Variants in GRM7 observed in about 807,000 individuals in gnomAD.
GRM7 encodes metabotropic glutamate receptor 7.
GRM7 carries 35 observed loss-of-function variants against 84.5 expected under a neutral mutation model. The observed-to-expected ratio is 0.41, with a 90% CI of 0.32 to 0.55. The LOEUF (loss-of-function observed/expected upper bound fraction) is 0.55, where lower values mean the gene tolerates loss of function less well. Among genes scored for constraint, GRM7 ranks in the 20% least tolerant of loss-of-function variants. The pLI, the probability that GRM7 is intolerant of heterozygous loss-of-function variation, is 0.19. For synonymous variants in GRM7, 487 were observed against 455.1 expected (o/e 1.07, Z -0.89); for missense variants, 1,003 against 1,194.6 (o/e 0.84, Z 2.36).
At chr3:7,328,610 A>G (rs968966886) in intron 4 of GRM7, among the ~76,000 whole-genome samples, 11 of 152,180 alleles carry the variant, frequency 7.2e-5, no homozygotes, top group African/African-American at 2.7e-4. Flanking sequence ...GCACCTGTGT[A>G]TCTGGTAACT....
intron 7 of GRM7, among the ~76,000 whole-genome samples, chr3:7,494,388 T>C (rs1169944224): frequency 6.6e-6 from 1 of 152,224 alleles, no homozygotes; most frequent in African/African-American, 2.4e-5. Context: ...GCTTTCAAGA[T>C]ACTTCCTTTA....
At chr3:7,339,038 A>G (rs1373218655) in intron 4 of GRM7, among the ~76,000 whole-genome samples, 3 of 152,138 alleles carry the variant, frequency 2.0e-5, no homozygotes, top group Non-Finnish European at 4.4e-5. Flanking sequence ...AAAACCAGAA[A>G]TCATCAAGCC....
At chr3:7,416,926 GTTCT>G (rs1227166394) in intron 5 of GRM7, among the ~76,000 whole-genome samples, 1 of 152,044 alleles carries the variant, frequency 6.6e-6, no homozygotes, top group Non-Finnish European at 1.5e-5. Flanking sequence ...GTTTTCCTGG[GTTCT>G]TTCTGACATT....
chr3:7,418,381 G>T (rs1051268935), intron 5 of GRM7, among the ~76,000 whole-genome samples: 2 of 152,166 alleles, frequency 1.3e-5, no homozygotes, highest in Non-Finnish European at 1.5e-5. Flanking sequence ...GGTTGTCCAA[G>T]CTATCACAGA....
intron 4 of GRM7, among the ~76,000 whole-genome samples, chr3:7,372,397 G>A (rs1694176657): frequency 6.6e-6 from 1 of 152,164 alleles, no homozygotes; most frequent in African/African-American, 2.4e-5. Context: ...AAACTCAGGT[G>A]TGAAGTCTTA....
In GRM7 at chr3:7,629,536, C is replaced by T. The variant is rs549502944; in HGVS notation, c.2451+50179C>T. Among the ~76,000 whole-genome samples, 39 of 152,244 alleles carry T rather than the reference C, an allele frequency of 2.6e-4. 1 individual carries two copies. The South Asian group carries it at 7.9e-3, about 31-fold the overall frequency. ...CCAGCCATATTGGATCAGGGCCCTA[C>T]CCTTTTGACCCCATTGATCCCCTTA... On this transcript the variant is annotated intron_variant, in intron 8 of 9. Coordinates refer to ENST00000357716, the MANE Select transcript of GRM7 (RefSeq NM_000844.4).
At chr3:7,293,767 G>A (rs1016883265) in intron 2 of GRM7, among the ~76,000 whole-genome samples, 1 of 152,130 alleles carries the variant, frequency 6.6e-6, no homozygotes, top group Non-Finnish European at 1.5e-5. Context: ...AGGTACATGG[G>A]ACCATCATTA....
chr3:7,208,036 T>A (rs1257532156), intron 2 of GRM7, among the ~76,000 whole-genome samples: 1 of 152,206 alleles, frequency 6.6e-6, no homozygotes, highest in African/African-American at 2.4e-5. Context: ...TAAGATTGAA[T>A]GTGGCAAGAT....
At chr3:7,561,675 TA>T in intron 7 of GRM7, 1 of 393,600 alleles carries the variant, frequency 2.5e-6, no homozygotes, top group South Asian at 1.8e-5. Context: ...TCTATTTGTC[TA>T]ATTCTCTGAA....
At chr3:6,930,492 C>G (rs529822059) in intron 1 of GRM7, among the ~76,000 whole-genome samples, 1 of 152,122 alleles carries the variant, frequency 6.6e-6, no homozygotes, top group South Asian at 2.1e-4. Context: ...AAGAACTAAG[C>G]CTTTATAATT....
At chr3:6,895,543 T>C (rs1424124178) in intron 1 of GRM7, among the ~76,000 whole-genome samples, 1 of 152,154 alleles carries the variant, frequency 6.6e-6, no homozygotes, top group Non-Finnish European at 1.5e-5. Context: ...AGCTCAGAGA[T>C]ACTGTCATTT....
chr3:7,346,565 G>A (rs1171575715), intron 4 of GRM7, among the ~76,000 whole-genome samples: 1 of 152,080 alleles, frequency 6.6e-6, no homozygotes, highest in South Asian at 2.1e-4. Flanking sequence ...GGGATGCCTA[G>A]CTATAACTGC....
chr3:7,489,387 A>C (rs1478673720), intron 7 of GRM7, among the ~76,000 whole-genome samples: 1 of 152,106 alleles, frequency 6.6e-6, no homozygotes, highest in Non-Finnish European at 1.5e-5. Context: ...ACACATTGTT[A>C]TTTCCATTTT....
At chr3:7,256,878 T>C (rs1303430979) in intron 2 of GRM7, among the ~76,000 whole-genome samples, 1 of 152,198 alleles carries the variant, frequency 6.6e-6, no homozygotes, top group Non-Finnish European at 1.5e-5. Context: ...GAACCTAAGA[T>C]AAAGTGATTA....
chr3:7,654,996 C>T (rs1699115691), intron 8 of GRM7, among the ~76,000 whole-genome samples: 1 of 152,186 alleles, frequency 6.6e-6, no homozygotes, highest in South Asian at 2.1e-4. Flanking sequence ...TGAGGACTCT[C>T]TTAACGGTGT....
At chr3:7,537,235 T>G (rs1386002330) in intron 7 of GRM7, among the ~76,000 whole-genome samples, 2 of 152,198 alleles carry the variant, frequency 1.3e-5, no homozygotes, top group Non-Finnish European at 2.9e-5. Context: ...TTCCTGATTT[T>G]AATCTCTTCT....
At chr3:6,958,943 A>G (rs1441235560) in intron 1 of GRM7, among the ~76,000 whole-genome samples, 1 of 152,230 alleles carries the variant, frequency 6.6e-6, no homozygotes, top group Non-Finnish European at 1.5e-5. Flanking sequence ...ATTGAAAAAC[A>G]TAAAATTATA....
rs942913836 is a variant in GRM7, at chr3:7,073,664, T to C, written c.520-72788T>C. Among the ~76,000 whole-genome samples, 12 of 152,308 alleles carry C rather than the reference T, an allele frequency of 7.9e-5. 1 individual carries two copies. Among genetic ancestry groups the C allele is most frequent in the Admixed American group, 3.9e-4 (6 of 15,296 alleles). Reference sequence around the variant, plus strand: ...CTGTCGATGAGTACTGCTGATAGTTTATGCTAAAAATTCTAGTTTTGAATT... The same window carrying C: ...CTGTCGATGAGTACTGCTGATAGTTCATGCTAAAAATTCTAGTTTTGAATT... On this transcript the variant is annotated intron_variant, in intron 1 of 9. Transcript: ENST00000357716.
In GRM7 at chr3:7,306,443, G is replaced by A. The variant is rs776668860; in HGVS notation, c.879-55G>A. 1.0e-5 allele frequency: 15 copies of A among 1,485,358 alleles called. No individual in the cohort carries two copies. The South Asian group carries it at 1.0e-4, about 10-fold the overall frequency. 92.0% of individuals were successfully genotyped at this position (1,485,358 alleles called of 1,614,324 possible). A position where few individuals can be genotyped will look rare whatever the true frequency, so the allele number is the denominator to read the frequency against. On this transcript the variant is annotated intron_variant, in intron 3 of 9. Transcript: ENST00000357716. ...CCTTTTGCTGACTTGCAATCTACAC[G>A]GATTCAGCTGACGTTCTTTATCATT...
Sources: allele counts gnomAD v4.1 joint callset (sites outside exome capture counted in the v4.1 genomes callset), GRCh38; gene constraint gnomAD v4.1.1; transcripts MANE v1.5; gene names NCBI Gene and HGNC (gene_info 2026-07-23, HGNC 2026-07-21).